MAL2: variants seen among roughly 807,000 people sequenced by gnomAD.
The protein encoded by MAL2 is protein MAL2.
In MAL2, 17 loss-of-function variants were observed where a neutral mutation model predicts 18.1. That is an observed-to-expected ratio of 0.94 (90% CI 0.64 to 1.41). The LOEUF (loss-of-function observed/expected upper bound fraction) is 1.41, where lower values mean the gene tolerates loss of function less well. Ranked by LOEUF, MAL2 falls within the 40% of genes most tolerant of loss-of-function variation. The probability of loss-of-function intolerance (pLI) is 0.00; values close to 1 mark genes in which losing one functional copy is unlikely to be tolerated. For synonymous variants in MAL2, 102 were observed against 102.3 expected (o/e 1.00, Z 0.02); for missense variants, 222 against 231.9 (o/e 0.96, Z 0.28).
At chr8:119,241,763 G>A (rs1401200169) in intron 3 of MAL2, among the ~76,000 whole-genome samples, 1 of 152,186 alleles carries the variant, frequency 6.6e-6, no homozygotes, top group Non-Finnish European at 1.5e-5. Context: ...AAGGTTTATA[G>A]TGTAGATTCA....
At chr8:119,221,501 A>G (rs1817462961) in intron 1 of MAL2, 86 bp from the exon 2 acceptor site, 2 of 1,513,852 alleles carry the variant, frequency 1.3e-6, no homozygotes, top group Non-Finnish European at 1.8e-6. Context: ...AATGAAGGCA[A>G]TGCTGAGGGT....
At chr8:119,221,305 G>A in intron 1 of MAL2, 1 of 296,998 alleles carries the variant, frequency 3.4e-6, no homozygotes, top group Non-Finnish European at 6.3e-6. Flanking sequence ...TGTCAATGAT[G>A]AAGGAATACT....
chr8:119,210,340 G>C (rs1189668819), intron 1 of MAL2, among the ~76,000 whole-genome samples: 1 of 152,048 alleles, frequency 6.6e-6, no homozygotes, highest in African/African-American at 2.4e-5. Context: ...AGTCATGTCA[G>C]ACTTTTAGGA....
At chr8:119,215,486 TC>T (rs1817337207) in intron 1 of MAL2, 1 of 152,196 alleles carries the variant, frequency 6.6e-6, no homozygotes, top group Non-Finnish European at 1.5e-5. Context: ...GAAGGCAATG[TC>T]ACCGACTCTG....
intron 2 of MAL2, among the ~76,000 whole-genome samples, chr8:119,238,207 T>C (rs952998925): frequency 6.6e-6 from 1 of 152,014 alleles, no homozygotes; most frequent in Non-Finnish European, 1.5e-5. Context: ...GAGAATAAAA[T>C]ACCTAGGAAT....
intron 1 of MAL2, among the ~76,000 whole-genome samples, chr8:119,213,076 A>G (rs1226557253): frequency 2.0e-5 from 3 of 152,224 alleles, no homozygotes; most frequent in African/African-American, 7.2e-5. Flanking sequence ...AAATAGAACC[A>G]ATGAAAGAAG....
intron 2 of MAL2, among the ~76,000 whole-genome samples, chr8:119,237,215 A>G (rs1817926064): frequency 1.3e-5 from 2 of 150,864 alleles, no homozygotes; most frequent in Non-Finnish European, 3.0e-5. Context: ...CTCGACACAT[A>G]CACTCTCCCA....
chr8:119,213,720 G>C (rs534599488), intron 1 of MAL2, among the ~76,000 whole-genome samples: 3 of 152,172 alleles, frequency 2.0e-5, no homozygotes, highest in Admixed American at 2.0e-4. Context: ...TTGGGAGGCC[G>C]TGGCAGGAGA....
rs1004473622 is a variant in MAL2 at position 119,244,058 on chromosome 8, G to T, written c.*570G>T. 3 of 152,118 alleles carry T rather than the reference G, an allele frequency of 2.0e-5. No homozygotes were observed. Among genetic ancestry groups the T allele is most frequent in the African/African-American group, 4.8e-5 (2 of 41,440 alleles). The allele number at this position is 152,118 out of a possible 1,614,324, so 9.4% of individuals were successfully genotyped here. A position where few individuals can be genotyped will look rare whatever the true frequency, so the allele number is the denominator to read the frequency against. ...CACAATACAGAAATGAATGAGTGTG[G>T]TTATGTTCTAATAAAACTTATTTAT... On this transcript the variant is annotated 3_prime_UTR_variant, in exon 4 of 4. Coordinates refer to ENST00000614891, the MANE Select transcript of MAL2 (RefSeq NM_052886.3).
chr8:119,234,268 C>A (rs936150041), intron 2 of MAL2, among the ~76,000 whole-genome samples: 9 of 152,098 alleles, frequency 5.9e-5, no homozygotes, highest in African/African-American at 1.4e-4. Context: ...AAAAACGGCG[C>A]ACCACGAGAT....
At chr8:119,238,907 C>G (rs1266557441) in intron 2 of MAL2, among the ~76,000 whole-genome samples, 1 of 151,702 alleles carries the variant, frequency 6.6e-6, no homozygotes, top group African/African-American at 2.4e-5. Context: ...AATGGCAACA[C>G]AAGCCAAAAT....
chr8:119,226,409 C>CTT (rs908001364), intron 2 of MAL2, among the ~76,000 whole-genome samples: 1 of 139,992 alleles, frequency 7.1e-6, no homozygotes, highest in African/African-American at 2.6e-5. Context: ...CTTTCCCCCC[C>CTT]TTTTTTTTTT....
chr8:119,237,773 C>T (rs200308711), intron 2 of MAL2, among the ~76,000 whole-genome samples: 2 of 150,092 alleles, frequency 1.3e-5, no homozygotes, highest in East Asian at 1.9e-4. Flanking sequence ...AAATTAGGTA[C>T]TGATGGGACG....
At chr8:119,230,084 GTCAAGTGTTTC>G (rs1316573713) in intron 2 of MAL2, among the ~76,000 whole-genome samples, 2 of 152,130 alleles carry the variant, frequency 1.3e-5, no homozygotes, top group Admixed American at 1.3e-4. Context: ...GGCCACTGGT[GTCAAGTGTTTC>G]TTCTCTACCA....
chr8:119,231,641 A>T (rs536123553), intron 2 of MAL2, among the ~76,000 whole-genome samples: 1 of 152,332 alleles, frequency 6.6e-6, no homozygotes, highest in East Asian at 1.9e-4. Flanking sequence ...CTGCATTCTC[A>T]TTTTCAATAC....
At chr8:119,235,463 C>A (rs1421672889) in intron 2 of MAL2, among the ~76,000 whole-genome samples, 5 of 151,890 alleles carry the variant, frequency 3.3e-5, no homozygotes, top group Admixed American at 1.3e-4. Context: ...CAAAGATACT[C>A]CTCGAGAAGA....
At chr8:119,236,238 A>G (rs1817888879) in intron 2 of MAL2, among the ~76,000 whole-genome samples, 1 of 122,470 alleles carries the variant, frequency 8.2e-6, no homozygotes, top group Non-Finnish European at 1.7e-5. Context: ...CAACAAGAAG[A>G]GCTAACTATC....
At chr8:119,226,040 C>CAAAAATTTTCTCCCATTCTGTA (rs1233146078) in intron 2 of MAL2, among the ~76,000 whole-genome samples, 1 of 151,980 alleles carries the variant, frequency 6.6e-6, no homozygotes, top group East Asian at 1.9e-4. Flanking sequence ...GAGTAGATTG[C>CAAAAATTTTCTCCCATTCTGTA]AAAAATTTTC....
Position 119,221,660 on chromosome 8 carries a change from T to C in MAL2, c.206T>C (p.Met69Thr), listed in dbSNP as rs769651719. 21 of 1,613,868 alleles carry C rather than the reference T, an allele frequency of 1.3e-5. No homozygotes were observed. Among genetic ancestry groups the C allele is most frequent in the Non-Finnish European group, 1.8e-5 (21 of 1,179,864 alleles). The change falls in exon 2 of 4, where the codon ATG becomes ACG. Residue 69 changes from methionine (M) to threonine (T), a missense_variant. Physicochemically the swap from Met to Thr is moderately conservative, Grantham distance 81. Coordinates refer to ENST00000614891, the MANE Select transcript of MAL2 (RefSeq NM_052886.3). ...VPLPLLQGWVMFVSVTAFFFS... is the reference protein window; with the variant it reads ...VPLPLLQGWVTFVSVTAFFFS... Reference sequence around the variant, plus strand: ...CTACCTCTACTACAAGGATGGGTCATGTTTGTGTCCGTGACAGCGTTTTTC... The same window carrying C: ...CTACCTCTACTACAAGGATGGGTCACGTTTGTGTCCGTGACAGCGTTTTTC...
Sources: gnomAD v4.1 joint callset for allele counts (sites outside exome capture counted in the v4.1 genomes callset) on GRCh38, gnomAD v4.1.1 for gene constraint, MANE v1.5 for transcripts, NCBI Gene and HGNC (gene_info 2026-07-23, HGNC 2026-07-21) for gene names.